SLC24A4: variants seen among roughly 807,000 people sequenced by gnomAD.
The protein encoded by SLC24A4 is sodium/potassium/calcium exchanger 4.
SLC24A4 carries 53 observed loss-of-function variants against 79.0 expected under a neutral mutation model. The ratio of observed to expected loss-of-function variants is 0.67; its 90% CI spans 0.54 to 0.84. The LOEUF is 0.84. SLC24A4 is among the 40% of genes least tolerant of loss of function. The pLI, the probability that SLC24A4 is intolerant of heterozygous loss-of-function variation, is 0.00. For missense variants in SLC24A4, 731 were observed against 822.0 expected (o/e 0.89, Z 1.35); for synonymous variants, 323 against 323.8 (o/e 1.00, Z 0.03).
intron 2 of SLC24A4, among the ~76,000 whole-genome samples, chr14:92,342,876 T>C (rs895091108): frequency 1.3e-5 from 2 of 152,196 alleles, no homozygotes; most frequent in Admixed American, 1.3e-4. Flanking sequence ...TCCCTTGAAC[T>C]GGGTGTAAAA....
chr14:92,450,598 G>T (rs35617057), intron 10 of SLC24A4: 60,003 of 152,286 alleles, frequency 0.39, 12,115 homozygotes, highest in South Asian at 0.46. Context: ...CCATGAGGGC[G>T]GCTGTGTCGG....
chr14:92,478,192 T>C (rs1194721480), intron 12 of SLC24A4, among the ~76,000 whole-genome samples: 1 of 152,250 alleles, frequency 6.6e-6, no homozygotes, highest in African/African-American at 2.4e-5. Context: ...TTTTGTTGCT[T>C]GTGATTTTGG....
chr14:92,458,712 C>T (rs1365206602), intron 12 of SLC24A4, among the ~76,000 whole-genome samples: 3 of 152,226 alleles, frequency 2.0e-5, no homozygotes, highest in Non-Finnish European at 4.4e-5. Context: ...GGCCGTGATT[C>T]GAGCCCTGGC....
In SLC24A4 at chr14:92,486,736, C is replaced by G. The variant is rs751041347; in HGVS notation, c.1493C>G (p.Thr498Arg). 6.2e-7 allele frequency: 1 copy of G among 1,614,092 alleles called. No individual in the cohort carries two copies. Among genetic ancestry groups the G allele is most frequent in the South Asian group, 1.1e-5 (1 of 91,084 alleles). The change falls in exon 14 of 17, where the codon ACA becomes AGA. Residue 498 changes from threonine (T) to arginine (R), a missense_variant. Coordinates refer to ENST00000532405, the MANE Select transcript of SLC24A4 (RefSeq NM_153646.4). ...IMGITFLAAGTSVPDCMASLI... is the reference protein window; with the variant it reads ...IMGITFLAAGRSVPDCMASLI... ...GGCATTACTTTCCTGGCAGCAGGGA[C>G]AAGTGTTCCAGACTGCATGGCCAGC... is the stretch of plus-strand genomic sequence containing the variant.
chr14:92,344,078 G>A (rs1290930440), intron 2 of SLC24A4, among the ~76,000 whole-genome samples: 1 of 152,184 alleles, frequency 6.6e-6, no homozygotes, highest in Non-Finnish European at 1.5e-5. Context: ...TATAGATGGG[G>A]ATGTGACTTG....
At chr14:92,482,954 T>A in intron 13 of SLC24A4, 108 bp downstream of exon 13, 1 of 1,076,878 alleles carries the variant, frequency 9.3e-7, no homozygotes, top group Middle Eastern at 2.8e-4. Flanking sequence ...GGCGAGTCAC[T>A]GGCCTCACTG....
rs1884947136 is a variant in SLC24A4 at position 92,323,874 on chromosome 14, G to A, written c.44G>A (p.Arg15Lys). The A allele has an allele frequency of 6.2e-7, 1 of 1,603,470 alleles. No homozygotes were observed. Among genetic ancestry groups the A allele is most frequent in the South Asian group, 1.1e-5 (1 of 90,448 alleles). Reference sequence around the variant, plus strand: ...CTCCGGCCGCTCAAAGTTCGCAGGAGGCGAGAGATGCTGCCGCAGCAAGTC... The same window carrying A: ...CTCCGGCCGCTCAAAGTTCGCAGGAAGCGAGAGATGCTGCCGCAGCAAGTC... ...GTLRPLKVRR[R>K]REMLPQQVGF... Residue 15 changes from arginine (R) to lysine (K), a missense_variant, in exon 1 of 17, where the codon AGG becomes AAG. Transcript: ENST00000532405. This position sits in a 1 kb window ranked among gnomAD's most constrained non-coding sequence, Gnocchi z 4.9.
intron 14 of SLC24A4, among the ~76,000 whole-genome samples, chr14:92,489,309 C>A (rs1895545807): frequency 6.6e-6 from 1 of 151,984 alleles, no homozygotes; most frequent in Non-Finnish European, 1.5e-5. Flanking sequence ...CGTGGTGGTG[C>A]ACACCTGTAA....
At chr14:92,357,348 G>T (rs1164999879) in intron 2 of SLC24A4, among the ~76,000 whole-genome samples, 2 of 152,188 alleles carry the variant, frequency 1.3e-5, no homozygotes, top group Non-Finnish European at 2.9e-5. Flanking sequence ...AACGTAACTA[G>T]GAAGAATATA....
intron 2 of SLC24A4, among the ~76,000 whole-genome samples, chr14:92,374,932 C>A (rs1888417411): frequency 6.6e-6 from 1 of 152,142 alleles, no homozygotes; most frequent in Non-Finnish European, 1.5e-5. Context: ...AACAAAATGT[C>A]AACAGATTAA....
chr14:92,379,547 G>T (rs1888709352), intron 2 of SLC24A4, among the ~76,000 whole-genome samples: 2 of 152,068 alleles, frequency 1.3e-5, no homozygotes, highest in African/African-American at 4.8e-5. Context: ...ATGGCAGGAA[G>T]CGCCCCTGCC....
In SLC24A4 at chr14:92,447,447, G is replaced by C. The variant is rs199848879; in HGVS notation, c.737+23G>C. 9 of 1,611,852 alleles carry C rather than the reference G, an allele frequency of 5.6e-6. No individual in the cohort carries two copies. The South Asian group carries it at 8.8e-5, about 16-fold the overall frequency. On this transcript the variant is annotated intron_variant, in intron 9 of 16. Transcript: ENST00000532405. Reference sequence around the variant, plus strand: ...GAAGTAAGTGCCCTTTCTCCTCCCCGGGGCTGCCGACGCCTTGCCCCACTG... The same window carrying C: ...GAAGTAAGTGCCCTTTCTCCTCCCCCGGGCTGCCGACGCCTTGCCCCACTG...
At chr14:92,406,804 G>GT (rs1036126876) in intron 2 of SLC24A4, among the ~76,000 whole-genome samples, 1 of 151,968 alleles carries the variant, frequency 6.6e-6, no homozygotes, top group Non-Finnish European at 1.5e-5. Flanking sequence ...TGTGATGGGG[G>GT]GGTCTCTGAA....
intron 2 of SLC24A4, among the ~76,000 whole-genome samples, chr14:92,329,713 C>G (rs1413672142): frequency 6.6e-6 from 1 of 152,214 alleles, no homozygotes; most frequent in African/African-American, 2.4e-5. Context: ...TGCCATGTGG[C>G]CCAGGGTGGC....
At chr14:92,324,049 T>C in intron 1 of SLC24A4, 89 bp downstream of exon 1, 3 of 1,504,810 alleles carry the variant, frequency 2.0e-6, no homozygotes, top group Non-Finnish European at 2.7e-6. Context: ...TTTCCCCTCC[T>C]TCCTCATCAG....
chr14:92,340,752 C>A (rs1347663217), intron 2 of SLC24A4, among the ~76,000 whole-genome samples: 1 of 152,120 alleles, frequency 6.6e-6, no homozygotes, highest in Non-Finnish European at 1.5e-5. Context: ...GGGCACGGAT[C>A]CCCCTAATTC....
intron 13 of SLC24A4, chr14:92,483,906 C>G: frequency 7.8e-7 from 1 of 1,281,748 alleles, no homozygotes; most frequent in Non-Finnish European, 1.0e-6. Flanking sequence ...GGCCAGTAAA[C>G]GTTCCATGCT....
chr14:92,390,468 C>T (rs1051144684), intron 2 of SLC24A4, among the ~76,000 whole-genome samples: 11 of 152,154 alleles, frequency 7.2e-5, no homozygotes, highest in African/African-American at 2.7e-4. Flanking sequence ...AAGCATGGCT[C>T]TCCTTCCAGT....
At chr14:92,450,149 C>G (rs1332570279) in intron 10 of SLC24A4, 1 of 152,340 alleles carries the variant, frequency 6.6e-6, no homozygotes, top group African/African-American at 2.4e-5. Flanking sequence ...GGCTCTTTCC[C>G]CCGCTTTCTC....
Sources: gnomAD v4.1 joint callset for allele counts (sites outside exome capture counted in the v4.1 genomes callset) on GRCh38, gnomAD v4.1.1 for gene constraint, Gnocchi (gnomAD v3.1) non-coding constraint, MANE v1.5 for transcripts, NCBI Gene and HGNC (gene_info 2026-07-23, HGNC 2026-07-21) for gene names.